Variants in KCNQ4 observed in about 807,000 individuals in gnomAD.
KCNQ4 encodes the protein potassium voltage-gated channel subfamily KQT member 4.
KCNQ4 carries 31 observed loss-of-function variants against 72.6 expected under a neutral mutation model. That is an observed-to-expected ratio of 0.43 (90% CI 0.32 to 0.58). The LOEUF (loss-of-function observed/expected upper bound fraction) is 0.58. Ranked by LOEUF, KCNQ4 falls within the 20% of genes least tolerant of loss-of-function variation. KCNQ4 has a pLI of 0.08. For synonymous variants in KCNQ4, 405 were observed against 403.7 expected (o/e 1.00, Z -0.04); for missense variants, 869 against 962.6 (o/e 0.90, Z 1.29).
At chr1:40,831,540 A>G (rs1648647579) in intron 10 of KCNQ4, among the ~76,000 whole-genome samples, 1 of 152,246 alleles carries the variant, frequency 6.6e-6, no homozygotes, top group South Asian at 2.1e-4. Flanking sequence ...AGGGGTTAGC[A>G]GCACAGGCTT....
Position 40,838,369 on chromosome 1 carries a change from G to C in KCNQ4, c.1934G>C (p.Arg645Pro). 6.2e-7 allele frequency: 1 copy of C among 1,613,962 alleles called. No homozygotes were observed. Among genetic ancestry groups the C allele is most frequent in the Non-Finnish European group, 8.5e-7 (1 of 1,179,940 alleles). Residue 645 changes from arginine to proline, a missense_variant, in exon 14 of 14, where the codon CGC becomes CCC. By Grantham distance (103) the Arg-to-Pro change is moderately radical. Transcript: ENST00000347132. ...LLLGFYSRCLRSGTSASLGAV... is the reference protein window; with the variant it reads ...LLLGFYSRCLPSGTSASLGAV... ...TTGGGCTTCTATTCGCGCTGCCTGC[G>C]CTCTGGCACCTCGGCCAGCCTGGGC... is the stretch of plus-strand genomic sequence containing the variant.
intron 1 of KCNQ4, among the ~76,000 whole-genome samples, chr1:40,804,514 C>G (rs1208144291): frequency 2.0e-5 from 3 of 152,178 alleles, no homozygotes; most frequent in Admixed American, 2.0e-4. Flanking sequence ...CTTCCGCTTC[C>G]CCTCATACAA....
At chr1:40,791,525 C>T (rs1457465496) in intron 1 of KCNQ4, among the ~76,000 whole-genome samples, 1 of 152,170 alleles carries the variant, frequency 6.6e-6, no homozygotes, top group Non-Finnish European at 1.5e-5. Context: ...GCAGGAGCTG[C>T]GTGCCCTGGG....
intron 9 of KCNQ4, among the ~76,000 whole-genome samples, chr1:40,829,568 C>T (rs1648576437): frequency 6.6e-6 from 1 of 152,128 alleles, no homozygotes; most frequent in Non-Finnish European, 1.5e-5. Flanking sequence ...GCTCCCTCCC[C>T]TCCACCCCAT....
chr1:40,798,030 G>A (rs903913937), intron 1 of KCNQ4, among the ~76,000 whole-genome samples: 1 of 152,144 alleles, frequency 6.6e-6, no homozygotes, highest in Admixed American at 6.5e-5. Flanking sequence ...CCCAGATAAT[G>A]GAGGGACACC....
intron 8 of KCNQ4, among the ~76,000 whole-genome samples, chr1:40,823,585 G>T (rs760377621): frequency 1.3e-5 from 2 of 152,154 alleles, no homozygotes; most frequent in African/African-American, 2.4e-5. Flanking sequence ...ACCCTCCTTG[G>T]CTCATGGCAG....
chr1:40,822,255 C>T (rs1648320568), intron 7 of KCNQ4, 59 bp from the exon 8 acceptor site: 4 of 1,374,486 alleles, frequency 2.9e-6, no homozygotes, highest in South Asian at 1.2e-5. Flanking sequence ...GGGGAGAGGG[C>T]TGGTGGGGAC....
intron 1 of KCNQ4, among the ~76,000 whole-genome samples, chr1:40,807,150 A>C (rs190526809): frequency 2.0e-5 from 3 of 152,182 alleles, no homozygotes; most frequent in Admixed American, 2.0e-4. Flanking sequence ...TTTTTTTCTA[A>C]GCCATCCTCC....
chr1:40,791,343 G>C (rs767819086), intron 1 of KCNQ4, among the ~76,000 whole-genome samples: 5 of 152,156 alleles, frequency 3.3e-5, no homozygotes, highest in Non-Finnish European at 7.4e-5. Context: ...CTCTCTTCCA[G>C]CATCTTCTCT....
intron 1 of KCNQ4, among the ~76,000 whole-genome samples, chr1:40,807,543 C>T (rs1280541509): frequency 6.6e-6 from 1 of 152,180 alleles, no homozygotes; most frequent in African/African-American, 2.4e-5. Context: ...TTGGAAAGAG[C>T]CTCGCTCTGA....
chr1:40,817,669 T>A lies in KCNQ4; in HGVS notation c.405+314T>A, dbSNP rs1281254086. Among the ~76,000 whole-genome samples the A allele has an allele frequency of 1.3e-5, 2 of 152,156 alleles. No homozygotes were observed. Among genetic ancestry groups the A allele is most frequent in the Non-Finnish European group, 2.9e-5 (2 of 68,028 alleles). On this transcript the variant is annotated intron_variant, in intron 2 of 13. Coordinates refer to ENST00000347132, the MANE Select transcript of KCNQ4 (RefSeq NM_004700.4). The surrounding 1 kb of genome is among the most constrained non-coding windows in gnomAD (Gnocchi z 5.5). ...GGCATCATCTCCACTTTATAGCAAG[T>A]GTTGGGGGACCTCCTGCCTCTATGC...
intron 1 of KCNQ4, among the ~76,000 whole-genome samples, chr1:40,815,390 A>G (rs1256835415): frequency 6.6e-6 from 1 of 152,214 alleles, no homozygotes; most frequent in African/African-American, 2.4e-5. Flanking sequence ...AGTCTTAAAA[A>G]GTCCTGGCTG....
chr1:40,828,175 A>G (rs1648539632), intron 9 of KCNQ4, among the ~76,000 whole-genome samples: 1 of 152,064 alleles, frequency 6.6e-6, no homozygotes, highest in African/African-American at 2.4e-5. Context: ...ATGAGGCCCT[A>G]AAGAAAGTCC....
rs1394541240 is a variant in KCNQ4 at position 40,794,875 on chromosome 1, T to G, written c.314+10468T>G. 6.8e-6 allele frequency among the ~76,000 whole-genome samples: 1 copy of G among 147,600 alleles called. No individual in the cohort carries two copies. The highest frequency in any genetic ancestry group is 7.1e-5 in the Admixed American group (1 of 14,012). On this transcript the variant is annotated intron_variant, in intron 1 of 13. Transcript: ENST00000347132. This position sits in a 1 kb window ranked among gnomAD's most constrained non-coding sequence, Gnocchi z 4.2. ...TGTGGAGCCAGAAGAGGGAGGGGTC[T>G]GGTAGGGACAGAGGGATCAGGGGAC...
At chr1:40,825,463 G>A (rs557350347) in intron 9 of KCNQ4, among the ~76,000 whole-genome samples, 49 of 152,264 alleles carry the variant, frequency 3.2e-4, no homozygotes, top group African/African-American at 1.1e-3. Flanking sequence ...AAAGGCCTAG[G>A]GAGGAGTTTT....
intron 1 of KCNQ4, among the ~76,000 whole-genome samples, chr1:40,799,781 A>G (rs55669129): frequency 0.45 from 67,765 of 152,194 alleles, 15,924 homozygotes; most frequent in African/African-American, 0.6. Flanking sequence ...CACTGCCTGA[A>G]TGCAGTCACT....
chr1:40,799,109 C>T (rs893753990), intron 1 of KCNQ4, among the ~76,000 whole-genome samples: 3 of 152,272 alleles, frequency 2.0e-5, no homozygotes, highest in Non-Finnish European at 2.9e-5. Flanking sequence ...CCCAGCAGCC[C>T]CAGCTCAGAT....
At chr1:40,809,721 C>T (rs930635139) in intron 1 of KCNQ4, among the ~76,000 whole-genome samples, 1 of 152,206 alleles carries the variant, frequency 6.6e-6, no homozygotes, top group Non-Finnish European at 1.5e-5. Context: ...CTGTGTACTT[C>T]CCCAAGTGGT....
chr1:40,802,380 G>T (rs1229349195), intron 1 of KCNQ4, among the ~76,000 whole-genome samples: 1 of 152,178 alleles, frequency 6.6e-6, no homozygotes, highest in Non-Finnish European at 1.5e-5. Context: ...TGTTAATTTG[G>T]AAACGGAAAA....
Sources: gnomAD v4.1 joint callset for allele counts (sites outside exome capture counted in the v4.1 genomes callset) on GRCh38, gnomAD v4.1.1 for gene constraint, Gnocchi (gnomAD v3.1) non-coding constraint, MANE v1.5 for transcripts, NCBI Gene and HGNC (gene_info 2026-07-23, HGNC 2026-07-21) for gene names.